TTN: variants seen among roughly 807,000 people sequenced by gnomAD.
TTN encodes connectin.
A neutral mutation model predicts 3,223.0 loss-of-function variants in TTN; 1,525 were observed. The ratio of observed to expected loss-of-function variants is 0.47; its 90% confidence interval spans 0.45 to 0.49. The LOEUF (loss-of-function observed/expected upper bound fraction) is 0.49, where lower values mean the gene tolerates loss of function less well. Among genes scored for constraint, TTN ranks in the 20% least tolerant of loss-of-function variants. The probability of loss-of-function intolerance (pLI) is 0.00; values close to 1 mark genes in which losing one functional copy is unlikely to be tolerated. For synonymous variants in TTN, 14,094 were observed against 15,161.0 expected (o/e 0.93, Z 5.17); for missense variants, 40,786 against 43,424.0 (o/e 0.94, Z 5.40).
intron 168 of TTN, 53 bp downstream of exon 168, chr2:178,664,407 C>T: frequency 5.0e-6 from 7 of 1,400,638 alleles, no homozygotes; most frequent in Non-Finnish European, 6.9e-6. Context: ...AAAGGTGGTC[C>T]TTTCTATCGC....
intron 162 of TTN, 39 bp downstream of exon 162, chr2:178,667,197 T>C: frequency 6.7e-7 from 1 of 1,498,280 alleles, no homozygotes; most frequent in Non-Finnish European, 9.1e-7. Flanking sequence ...GAAGACAGTA[T>C]ATTTTCTTCT....
chr2:178,684,662 T>A lies in TTN; in HGVS notation c.32638+4A>T. 1 of 1,603,512 alleles carries A rather than the reference T, an allele frequency of 6.2e-7. No individual in the cohort carries two copies. The highest frequency in any genetic ancestry group is 1.7e-5 in the Admixed American group (1 of 57,466). On this transcript the variant is annotated splice_donor_region_variant and intron_variant, in intron 131 of 362. Transcript: ENST00000589042. ...TAGTTTTTCTGCTGGGGAGGTTTGT[T>A]TACCTTTGGCTGGGAGAGGTTCTTC...
At position 178,712,593 on chromosome 2, in the gene TTN, G is replaced by A. The variant is rs1180720077; in HGVS notation, c.27329C>T (p.Ala9110Val). The A allele has an allele frequency of 6.2e-7, 1 of 1,609,194 alleles. No individual in the cohort carries two copies. Among genetic ancestry groups the A allele is most frequent in the Admixed American group, 1.7e-5 (1 of 59,458 alleles). The change falls in exon 95 of 363, where the codon GCC becomes GTC. Residue 9110 changes from alanine to valine, a missense_variant and splice_region_variant. Transcript: ENST00000589042. ...CAGCCTCTTCACAAATTTGGCTGGG[G>A]CTAAAGTGACCAAATTGAAAATATA... ...ASCTTHLYIKAPAKFVKRLND... is the reference protein window; with the variant it reads ...ASCTTHLYIKVPAKFVKRLND...
chr2:178,775,001 T>A lies in TTN; in HGVS notation c.6710A>T (p.Asp2237Val). The A allele has an allele frequency of 6.2e-7, 1 of 1,614,034 alleles. No homozygotes were observed. Among genetic ancestry groups the A allele is most frequent in the East Asian group, 2.2e-5 (1 of 44,856 alleles). The change falls in exon 29 of 363, where the codon GAT (aspartate) becomes GTT (valine). Residue 2237 changes from aspartate to valine, a missense_variant. Asp to Val is a radical substitution (Grantham distance 152, BLOSUM62 -3). Coordinates refer to ENST00000589042, the MANE Select transcript of TTN (RefSeq NM_001267550.2). ...GCTGTAATCTTCAGCATCAGACGTA[T>A]CAATGGTCAGTATGGAGAGGAAGTG... ...KVHFLSILTI[D>V]TSDAEDYSCV...
intron 138 of TTN, 66 bp downstream of exon 138, chr2:178,681,013 C>A: frequency 7.7e-7 from 1 of 1,296,854 alleles, no homozygotes; most frequent in Non-Finnish European, 1.1e-6. Context: ...TGAAATGAAT[C>A]ATAGTTACAT....
Position 178,768,061 on chromosome 2 carries a change from G to A in TTN, c.9258C>T (p.Ile3086=). The A allele has an allele frequency of 6.2e-7, 1 of 1,614,140 alleles. No homozygotes were observed. The highest frequency in any genetic ancestry group is 1.1e-5 in the South Asian group (1 of 91,082). The change falls in exon 39 of 363, where the codon ATC becomes ATT. Residue 3086 remains isoleucine, a synonymous_variant. Transcript: ENST00000589042. ...GGTCATCTTTCATCCACTGTACAGT[G>A]ATGTCAGGTTCAGAAACTTCACATT... ...MFECEVSEPD[I]TVQWMKDDQE...
At chr2:178,791,961 A>T (rs1022897691) in intron 10 of TTN, 111 bp downstream of exon 10, 2 of 1,223,296 alleles carry the variant, frequency 1.6e-6, no homozygotes, top group Non-Finnish European at 2.3e-6. Flanking sequence ...ATAACAAAAA[A>T]TATACAACCA....
chr2:178,591,116 A>C lies in TTN; in HGVS notation c.60609T>G (p.Pro20203=). 6.2e-7 allele frequency: 1 copy of C among 1,613,242 alleles called. No homozygotes were observed. The highest frequency in any genetic ancestry group is 8.5e-7 in the Non-Finnish European group (1 of 1,179,504). Residue 20203 remains proline, a synonymous_variant, in exon 304 of 363, where the codon CCT becomes CCG. Transcript: ENST00000589042. ...GTTTCTCAACAATATAATTTATCAC[A>C]GGGCTTCCTCCATCATCCTTAGGTG... ...WQPPKDDGGS[P]VINYIVEKQD... is the part of the protein sequence containing the mutation.
At chr2:178,754,877 G>A (rs1308015039) in intron 46 of TTN, among the ~76,000 whole-genome samples, 3 of 152,160 alleles carry the variant, frequency 2.0e-5, no homozygotes, top group Non-Finnish European at 4.4e-5. Context: ...AGTAGGTGTT[G>A]CGGATACATT....
rs945971117 is a variant in TTN, at chr2:178,612,527, A to AT, written c.49997dup (p.Asn16666LysfsTer11). On this transcript the variant is annotated frameshift_variant, in exon 266 of 363. Coordinates refer to ENST00000589042, the MANE Select transcript of TTN (RefSeq NM_001267550.2). LOFTEE classifies it high-confidence loss of function. ...GAACTGTCCATTTTAGGTCTGCTGT[A>AT]TTTTTTGTGATATTAATAACTTCAA... 1 of 1,611,574 alleles carries AT rather than the reference A, an allele frequency of 6.2e-7. No homozygotes were observed. Among genetic ancestry groups the AT allele is most frequent in the African/African-American group, 1.3e-5 (1 of 74,742 alleles).
chr2:178,605,278 A>T lies in TTN; in HGVS notation c.53899T>A (p.Leu17967Met), dbSNP rs761733751. ...QDDEVPPTIK[L>M]RLSVRGDTIK... ...GTGTCTCCTCGAACACTCAGACGCA[A>T]CTTAATAGTTGGAGGCACTGCAAAG... Residue 17967 changes from leucine (L) to methionine (M), a missense_variant, in exon 280 of 363, where the codon TTG (leucine) becomes ATG (methionine). Transcript: ENST00000589042. The T allele has an allele frequency of 3.8e-6, 6 of 1,586,184 alleles. No individual in the cohort carries two copies. The highest frequency in any genetic ancestry group is 5.1e-6 in the Non-Finnish European group (6 of 1,166,906).
intron 69 of TTN, chr2:178,726,298 T>C (rs2079322596): frequency 3.0e-6 from 1 of 338,474 alleles, no homozygotes; most frequent in East Asian, 4.6e-5. Context: ...CTACTACACC[T>C]TACTGATGTA....
Position 178,569,123 on chromosome 2 carries a change from C to G in TTN, c.77009G>C (p.Ser25670Thr), listed in dbSNP as rs774024917. The G allele has an allele frequency of 3.1e-6, 5 of 1,613,366 alleles. No homozygotes were observed. Among genetic ancestry groups the G allele is most frequent in the African/African-American group, 2.7e-5 (2 of 74,874 alleles). The change falls in exon 326 of 363, where the codon AGT becomes ACT. Residue 25670 changes from serine (S) to threonine (T), a missense_variant. Ser to Thr is a moderately conservative substitution (Grantham distance 58, BLOSUM62 1). Transcript: ENST00000589042. ...CTCAGCTGTGACTCTAAAGTAATAA[C>G]TGCAACCTTCTTGGAGCTGATCGAT... The part of the protein sequence containing the change: ...WKIDQLQEGC[S>T]YYFRVTAENE...
chr2:178,595,810 C>G lies in TTN; in HGVS notation c.57545-1G>C, dbSNP rs780057508. The G allele has an allele frequency of 1.3e-6, 2 of 1,588,226 alleles. No homozygotes were observed. The highest frequency in any genetic ancestry group is 8.6e-7 in the Non-Finnish European group (1 of 1,167,472). ...GGTGTTCCAACGGGACCTGGAACAT[C>G]TGGAAATAAGAAGAAAATAATTCAA... On this transcript the variant is annotated splice_acceptor_variant, in intron 294 of 362. Transcript: ENST00000589042. LOFTEE classifies it high-confidence loss of function.
At chr2:178,683,089 T>A in intron 134 of TTN, 122 bp downstream of exon 134, 2 of 954,954 alleles carry the variant, frequency 2.1e-6, no homozygotes, top group South Asian at 2.9e-5. Flanking sequence ...TGATTTCAAA[T>A]GTTATATACC....
chr2:178,545,543 C>T lies in TTN; in HGVS notation c.95567G>A (p.Arg31856His), dbSNP rs876658093. ...ATACACCACATAGTCTTTGTTGACA[C>T]GTGTCCAGCGCAGGCTCTTCTTCTC... is the stretch of plus-strand genomic sequence containing the variant. ...KREKKSLRWT[R>H]VNKDYVVYDT... The change falls in exon 344 of 363, where the codon CGT becomes CAT. Residue 31856 changes from arginine (R) to histidine (H), a missense_variant. By Grantham distance (29) the Arg-to-His change is conservative (BLOSUM62 0). Transcript: ENST00000589042. The T allele has an allele frequency of 1.3e-5, 21 of 1,613,740 alleles. No homozygotes were observed. The highest frequency in any genetic ancestry group is 2.2e-5 in the East Asian group (1 of 44,862).
At position 178,653,101 on chromosome 2, in the gene TTN, C is replaced by A. The variant is rs1365972148; in HGVS notation, c.38815G>T (p.Val12939Phe). 1 of 1,613,046 alleles carries A rather than the reference C, an allele frequency of 6.2e-7. No homozygotes were observed. Among genetic ancestry groups the A allele is most frequent in the Non-Finnish European group, 8.5e-7 (1 of 1,179,502 alleles). Residue 12939 changes from valine to phenylalanine, a missense_variant, in exon 199 of 363, where the codon GTT becomes TTT. By Grantham distance (50) the Val-to-Phe change is conservative. Transcript: ENST00000589042. Reference sequence around the variant, plus strand: ...GTCACTGGCACTTTCTTTTCAGGAACAACTTCTTTGGGAGCCTCTGGCACT... The same window carrying A: ...GTCACTGGCACTTTCTTTTCAGGAAAAACTTCTTTGGGAGCCTCTGGCACT... The part of the protein sequence containing the change: ...VKVPEAPKEV[V>F]PEKKVPVTPP...
rs778138805 is a variant in TTN at position 178,575,836 on chromosome 2, G to C, written c.70296C>G (p.Val23432=). The C allele has an allele frequency of 4.3e-6, 7 of 1,613,546 alleles. No individual in the cohort carries two copies. The South Asian group carries it at 7.7e-5, about 18-fold the overall frequency. ...TGAGGACTGGGCCTGGCGTGTCCAA[G>C]ACTCTGACGTTCACAAAGCCACTTT... ...GKKSGFVNVR[V]LDTPGPVLNL... The change falls in exon 326 of 363, where the codon GTC becomes GTG. Residue 23432 remains valine (V), a synonymous_variant. Transcript: ENST00000589042. This position sits in a 1 kb window ranked among gnomAD's most constrained non-coding sequence, Gnocchi z 4.0.
chr2:178,750,423 G>T (rs1228203646), intron 47 of TTN: 2 of 1,612,348 alleles, frequency 1.2e-6, no homozygotes, highest in Non-Finnish European at 1.7e-6. Context: ...TCCAACGAAT[G>T]AATGATAAAG....
Sources: allele counts gnomAD v4.1 joint callset (sites outside exome capture counted in the v4.1 genomes callset), GRCh38; gene constraint gnomAD v4.1.1; non-coding constraint Gnocchi (gnomAD v3.1); transcripts MANE v1.5; gene names NCBI Gene and HGNC (gene_info 2026-07-23, HGNC 2026-07-21).